Variants in MYO1A observed in about 807,000 individuals in gnomAD.
MYO1A encodes myosin IA.
A neutral mutation model predicts 138.5 loss-of-function variants in MYO1A; 127 were observed. That is an observed-to-expected ratio of 0.92 (90% CI 0.79 to 1.06). The LOEUF is 1.06. Among genes scored for constraint, MYO1A ranks in the 50% least tolerant of loss-of-function variants. MYO1A has a pLI of 0.00. For synonymous variants in MYO1A, 477 were observed against 497.5 expected, an observed-to-expected ratio of 0.96 and a Z score of 0.55; for missense variants, 1,211 against 1,288.8, an observed-to-expected ratio of 0.94 and a Z score of 0.92.
At chr12:57,051,076 C>T (rs1339410837), upstream of MYO1A, 1 of 152,266 alleles carries the variant, frequency 6.6e-6, no homozygotes, top group Non-Finnish European at 1.5e-5. Context: ...AACAGCAAGC[C>T]CCCTCTGCCT....
At chr12:57,035,703 T>C (rs1367557888) in intron 22 of MYO1A, among the ~76,000 whole-genome samples, 1 of 152,204 alleles carries the variant, frequency 6.6e-6, no homozygotes, top group East Asian at 1.9e-4. Flanking sequence ...TCTCCAGAAG[T>C]TACTCTTCTC....
rs752433778 is a variant in MYO1A, at chr12:57,028,649, T to A, written c.*106A>T. 6.7e-7 allele frequency: 1 copy of A among 1,484,882 alleles called. No homozygotes were observed. The highest frequency in any genetic ancestry group is 9.2e-7 in the Non-Finnish European group (1 of 1,087,324). 92.0% of individuals were successfully genotyped at this position (1,484,882 alleles called of 1,614,324 possible). Reference sequence around the variant, plus strand: ...CAAGGGTAGTTTAATCCCCAAGCCATGCGCCACGATCAGAGGGGTTAGAGA... The same window carrying A: ...CAAGGGTAGTTTAATCCCCAAGCCAAGCGCCACGATCAGAGGGGTTAGAGA... On this transcript the variant is annotated 3_prime_UTR_variant, in exon 28 of 28. Coordinates refer to ENST00000300119, the MANE Select transcript of MYO1A (RefSeq NM_005379.4).
intron 7 of MYO1A, 71 bp downstream of exon 7, chr12:57,046,791 AG>A: frequency 1.3e-6 from 2 of 1,558,386 alleles, no homozygotes; most frequent in Non-Finnish European, 1.8e-6. Context: ...GCCTTTCTAC[AG>A]GAACAGATTA....
At position 57,028,565 on chromosome 12, in the gene MYO1A, G is replaced by A; in HGVS notation, c.*190C>T. The A allele has an allele frequency of 7.2e-6, 5 of 694,750 alleles. No individual in the cohort carries two copies. The highest frequency in any genetic ancestry group is 1.8e-5 in the African/African-American group (1 of 55,788). 43.0% of individuals were successfully genotyped at this position (694,750 alleles called of 1,614,324 possible). A position where few individuals can be genotyped will look rare whatever the true frequency, so the allele number is the denominator to read the frequency against. On this transcript the variant is annotated 3_prime_UTR_variant, in exon 28 of 28. Coordinates refer to ENST00000300119, the MANE Select transcript of MYO1A (RefSeq NM_005379.4). ...TTATTAGTGTGCAGAGAGGCTGCGG[G>A]TTGGAGGAAGCTACTTTTGGAGGAG...
rs770842739 is a variant in MYO1A, at chr12:57,047,060, C to A, written c.477+1G>T. On this transcript the variant is annotated splice_donor_variant, in intron 6 of 27. Transcript: ENST00000300119. LOFTEE classifies it high-confidence loss of function. ...TCCCAGGTGGGGAGACATTTACTCACAAATCGGGAGGAATTGTTGTTGCGA... is the reference window on the plus strand; with the variant it reads ...TCCCAGGTGGGGAGACATTTACTCAAAAATCGGGAGGAATTGTTGTTGCGA... 2.5e-6 allele frequency: 4 copies of A among 1,614,186 alleles called. No individual in the cohort carries two copies. The highest frequency in any genetic ancestry group is 1.6e-4 in the Middle Eastern group (1 of 6,062).
At chr12:57,043,772 T>TTA in intron 10 of MYO1A, 84 bp downstream of exon 10, 1 of 1,581,408 alleles carries the variant, frequency 6.3e-7, no homozygotes, top group Non-Finnish European at 8.6e-7. Flanking sequence ...GTGAGATCAA[T>TTA]TATGCTAGAG....
chr12:57,044,829 C>T (rs189634623), intron 8 of MYO1A, among the ~76,000 whole-genome samples: 1 of 152,176 alleles, frequency 6.6e-6, no homozygotes, highest in African/African-American at 2.4e-5. Context: ...TAAAAATAAA[C>T]AAGCAACCCT....
intron 12 of MYO1A, among the ~76,000 whole-genome samples, chr12:57,041,907 G>A (rs762322378): frequency 2.0e-5 from 3 of 152,190 alleles, no homozygotes; most frequent in Admixed American, 6.5e-5. Context: ...ACCAAGCCTA[G>A]ACTCAAATTC....
At position 57,041,306 on chromosome 12, in the gene MYO1A, G is replaced by T; in HGVS notation, c.1165-18C>A. 1 of 1,607,698 alleles carries T rather than the reference G, an allele frequency of 6.2e-7. No individual in the cohort carries two copies. Among genetic ancestry groups the T allele is most frequent in the South Asian group, 1.1e-5 (1 of 90,920 alleles). ...CTATTATCCTGAGAGAGGGAGCACA[G>T]GTTAGAGAGCTCACTCCAAGACTGT... On this transcript the variant is annotated intron_variant, in intron 13 of 27. Coordinates refer to ENST00000300119, the MANE Select transcript of MYO1A (RefSeq NM_005379.4).
chr12:57,030,712 T>C (rs2136434224), intron 23 of MYO1A, among the ~76,000 whole-genome samples: 1 of 152,236 alleles, frequency 6.6e-6, no homozygotes, highest in African/African-American at 2.4e-5. Context: ...GTGAAATTCA[T>C]AGAAACAGAA....
In MYO1A at chr12:57,029,899, G is replaced by C. The variant is rs538064900; in HGVS notation, c.2592-27C>G. The C allele has an allele frequency of 6.4e-5, 104 of 1,614,040 alleles. No homozygotes were observed. The South Asian group carries it at 9.8e-4, about 15-fold the overall frequency. On this transcript the variant is annotated intron_variant, in intron 24 of 27. Transcript: ENST00000300119. The stretch of plus-strand genomic sequence containing the variant: ...TGAGAACACATGGGAGGTGTGCAGC[G>C]CGACAAGGCCCAGAGGCCTCTTCCC...
chr12:57,047,432 G>T, intron 4 of MYO1A, 25 bp from the exon 5 acceptor site: 1 of 1,607,606 alleles, frequency 6.2e-7, no homozygotes, highest in Non-Finnish European at 8.5e-7. Context: ...CGCTCTCATG[G>T]GTCCCCACCC....
chr12:57,041,554 G>A, intron 12 of MYO1A, 57 bp from the exon 13 acceptor site: 2 of 1,472,520 alleles, frequency 1.4e-6, no homozygotes. Context: ...ACCAGGCCAG[G>A]TCCTTCTGGA....
At chr12:57,029,096 CG>C (rs759583745) in intron 27 of MYO1A, 35 bp downstream of exon 27, 85 of 1,613,848 alleles carry the variant, frequency 5.3e-5, no homozygotes, top group Non-Finnish European at 6.9e-5. Context: ...GGCCATCTAC[CG>C]TAAGCCGCCC....
chr12:57,036,255 C>T (rs1204099802), intron 22 of MYO1A, 52 bp downstream of exon 22: 12 of 1,574,072 alleles, frequency 7.6e-6, no homozygotes, highest in Non-Finnish European at 8.7e-6. Flanking sequence ...CTCTCCCAAA[C>T]CTGTGCCTCC....
At chr12:57,047,537 G>A in intron 4 of MYO1A, 90 bp downstream of exon 4, 1 of 1,515,588 alleles carries the variant, frequency 6.6e-7, no homozygotes, top group East Asian at 2.3e-5. Flanking sequence ...GTTCTGTGGG[G>A]TGGAGGGTCA....
At chr12:57,033,189 A>C (rs697223) in intron 22 of MYO1A, among the ~76,000 whole-genome samples, 147,872 of 152,272 alleles carry the variant, frequency 0.97, 71,853 homozygotes, top group East Asian at 1. Flanking sequence ...CAACATCACT[A>C]ATCCAACAGC....
At chr12:57,043,031 G>A (rs761612445) in intron 12 of MYO1A, 41 bp downstream of exon 12, 2 of 1,601,936 alleles carry the variant, frequency 1.2e-6, no homozygotes, top group Non-Finnish European at 8.6e-7. Context: ...AGGAAGGTGA[G>A]GCAGACAGGA....
At chr12:57,046,995 T>C (rs2031129084) in intron 6 of MYO1A, 66 bp downstream of exon 6, 2 of 1,610,140 alleles carry the variant, frequency 1.2e-6, no homozygotes, top group Non-Finnish European at 1.7e-6. Context: ...GGAAGGGGTC[T>C]GTGCCACATT....
Sources: allele counts gnomAD v4.1 joint callset (sites outside exome capture counted in the v4.1 genomes callset), GRCh38; gene constraint gnomAD v4.1.1; transcripts MANE v1.5; gene names NCBI Gene and HGNC (gene_info 2026-07-23, HGNC 2026-07-21).